Variants in PRMT8 observed in about 807,000 individuals in gnomAD.
PRMT8 encodes protein arginine N-methyltransferase 8.
In PRMT8, 7 loss-of-function variants were observed where a neutral mutation model predicts 47.1. That is an observed-to-expected ratio of 0.15 (90% confidence interval 0.08 to 0.28). The LOEUF is 0.28. Ranked by LOEUF, PRMT8 falls within the 10% of genes least tolerant of loss-of-function variation. PRMT8 has a pLI of 1.00. For missense variants in PRMT8, 237 were observed against 505.4 expected, an observed-to-expected ratio of 0.47 and a Z score of 5.09; for synonymous variants, 188 against 186.5, an observed-to-expected ratio of 1.01 and a Z score of -0.07.
In PRMT8 at chr12:3,479,787, T is replaced by C. The variant is rs201586861; in HGVS notation, c.49-60819T>C. ...CTTTGCCTAGGAATAAGAAGGCCTC[T>C]TGGTTCTTGAACCTGCTGTAGAGAG... On this transcript the variant is annotated intron_variant, in intron 1 of 9. Coordinates refer to the PRMT8 transcript ENST00000452611. Among the ~76,000 whole-genome samples the C allele has an allele frequency of 3.9e-5, 6 of 152,218 alleles. No individual in the cohort carries two copies. The East Asian group carries it at 1.2e-3, about 29-fold the overall frequency.
intron 1 of PRMT8, chr12:3,468,829 T>A (rs781289246): frequency 6.5e-6 from 1 of 153,970 alleles, no homozygotes; most frequent in Non-Finnish European, 1.4e-5. Flanking sequence ...TTACAAGAAC[T>A]GAAAGTTTTG....
intron 8 of PRMT8, among the ~76,000 whole-genome samples, chr12:3,586,425 C>T (rs1316392117): frequency 6.6e-6 from 1 of 152,180 alleles, no homozygotes; most frequent in Admixed American, 6.5e-5. Context: ...GCCTACTCCT[C>T]TTTTTGCAAT....
intron 8 of PRMT8, among the ~76,000 whole-genome samples, chr12:3,588,307 C>A (rs988462659): frequency 6.6e-6 from 1 of 152,174 alleles, no homozygotes. Flanking sequence ...GAATATAATT[C>A]CAAACTTACA....
At chr12:3,390,916 G>C (rs903750650) in intron 1 of PRMT8, among the ~76,000 whole-genome samples, 11 of 152,204 alleles carry the variant, frequency 7.2e-5, no homozygotes, top group Non-Finnish European at 1.6e-4. Flanking sequence ...TGGGCTGAGC[G>C]AATAGCTCTG....
chr12:3,477,755 G>T (rs371689094), intron 1 of PRMT8, among the ~76,000 whole-genome samples: 2 of 152,078 alleles, frequency 1.3e-5, no homozygotes, highest in East Asian at 3.9e-4. Flanking sequence ...TCCTGTACCC[G>T]AATGGGCTGT....
At chr12:3,401,717 C>G (rs189116660) in intron 1 of PRMT8, among the ~76,000 whole-genome samples, 10 of 152,188 alleles carry the variant, frequency 6.6e-5, no homozygotes, top group Admixed American at 5.2e-4. Context: ...GAATGAACTC[C>G]CATTCACAAT....
At chr12:3,523,130 C>T (rs980822856) in intron 1 of PRMT8, among the ~76,000 whole-genome samples, 8 of 152,206 alleles carry the variant, frequency 5.3e-5, no homozygotes, top group African/African-American at 1.9e-4. Flanking sequence ...GCAGCTGTCA[C>T]AAGCGAACAA....
chr12:3,569,661 C>T lies in PRMT8; in HGVS notation c.712+97C>T. The T allele has an allele frequency of 1.1e-6, 1 of 946,632 alleles. No homozygotes were observed. The highest frequency in any genetic ancestry group is 1.7e-6 in the Non-Finnish European group (1 of 576,486). The allele number at this position is 946,632 out of a possible 1,614,324, so 58.6% of individuals were successfully genotyped here. A position where few individuals can be genotyped will look rare whatever the true frequency, so the allele number is the denominator to read the frequency against. ...AGATGAGCAGGCAGTGACATGAACA[C>T]CATTGCTGTCCCTGAAGAGGAGCTT... On this transcript the variant is annotated intron_variant, in intron 6 of 9. Coordinates refer to ENST00000382622, the MANE Select transcript of PRMT8 (RefSeq NM_019854.5). This position sits in a 1 kb window ranked among gnomAD's most constrained non-coding sequence, Gnocchi z 8.2.
chr12:3,593,320 T>G lies in PRMT8; in HGVS notation c.*138T>G. 34 of 672,956 alleles carry G rather than the reference T, an allele frequency of 5.1e-5. No homozygotes were observed. The highest frequency in any genetic ancestry group is 6.5e-5 in the Non-Finnish European group (26 of 402,050). 41.7% of individuals were successfully genotyped at this position (672,956 alleles called of 1,614,324 possible). A position where few individuals can be genotyped will look rare whatever the true frequency, so the allele number is the denominator to read the frequency against. On this transcript the variant is annotated 3_prime_UTR_variant, in exon 10 of 10. Coordinates refer to ENST00000382622, the MANE Select transcript of PRMT8 (RefSeq NM_019854.5). This position sits in a 1 kb window ranked among gnomAD's most constrained non-coding sequence, Gnocchi z 4.8. The stretch of plus-strand genomic sequence containing the variant: ...AACTCTGCCTTGAAGATTGGTGAAC[T>G]CCCCAGGGCTCCCGTGGGCTCTGCC...
At chr12:3,590,081 G>T (rs1310220397) in intron 8 of PRMT8, among the ~76,000 whole-genome samples, 1 of 152,332 alleles carries the variant, frequency 6.6e-6, no homozygotes, top group East Asian at 1.9e-4. Context: ...AGTATGCCCT[G>T]AAGGCCAGAA....
intron 1 of PRMT8, among the ~76,000 whole-genome samples, chr12:3,496,558 C>T (rs1001389215): frequency 6.6e-6 from 1 of 151,988 alleles, no homozygotes; most frequent in Admixed American, 6.5e-5. Context: ...GCTATGGAGA[C>T]AGACTTCCTG....
At chr12:3,435,608 G>A (rs1398298673) in intron 1 of PRMT8, among the ~76,000 whole-genome samples, 1 of 147,440 alleles carries the variant, frequency 6.8e-6, no homozygotes, top group Non-Finnish European at 1.5e-5. Context: ...TGCAAGCTCC[G>A]CCTCCCGGGT....
intron 1 of PRMT8, among the ~76,000 whole-genome samples, chr12:3,382,559 G>A (rs1462738781): frequency 1.3e-5 from 2 of 151,738 alleles, no homozygotes; most frequent in Non-Finnish European, 2.9e-5. Flanking sequence ...TCTTTTGCCC[G>A]TTTTCTAATT....
chr12:3,433,067 C>T (rs114272563), intron 1 of PRMT8, among the ~76,000 whole-genome samples: 3 of 152,170 alleles, frequency 2.0e-5, no homozygotes, highest in South Asian at 4.1e-4. Flanking sequence ...GCAGTCCCAG[C>T]GGCAGTCTTC....
intron 1 of PRMT8, among the ~76,000 whole-genome samples, chr12:3,537,548 A>G (rs941311792): frequency 2.6e-5 from 4 of 152,190 alleles, no homozygotes; most frequent in African/African-American, 9.7e-5. Flanking sequence ...CTTCTCTTAT[A>G]TGACTCAATG....
At chr12:3,545,693 G>A (rs1866316213) in intron 2 of PRMT8, among the ~76,000 whole-genome samples, 1 of 152,128 alleles carries the variant, frequency 6.6e-6, no homozygotes, top group Admixed American at 6.5e-5. Flanking sequence ...GTGGTACCCA[G>A]AACTCCAGAA....
intron 4 of PRMT8, among the ~76,000 whole-genome samples, chr12:3,558,072 G>A (rs1010963621): frequency 2.0e-5 from 3 of 152,080 alleles, no homozygotes; most frequent in African/African-American, 7.2e-5. Flanking sequence ...CCCTAGGCTT[G>A]CAGGGGCTAC....
intron 2 of PRMT8, among the ~76,000 whole-genome samples, chr12:3,542,835 T>G (rs1292950187): frequency 6.6e-6 from 1 of 152,208 alleles, no homozygotes; most frequent in Non-Finnish European, 1.5e-5. Context: ...GGACTTGGTG[T>G]CCCCAGCCTG....
At chr12:3,536,565 A>C (rs556583711) in intron 1 of PRMT8, among the ~76,000 whole-genome samples, 1 of 152,266 alleles carries the variant, frequency 6.6e-6, no homozygotes, top group Admixed American at 6.5e-5. Flanking sequence ...CCTCTCCTTA[A>C]TATATTTAAA....
Sources: allele counts gnomAD v4.1 joint callset (sites outside exome capture counted in the v4.1 genomes callset), GRCh38; gene constraint gnomAD v4.1.1; non-coding constraint Gnocchi (gnomAD v3.1); transcripts MANE v1.5; gene names NCBI Gene and HGNC (gene_info 2026-07-23, HGNC 2026-07-21).